Variants in PSMD9 observed in about 807,000 individuals in gnomAD.
The protein encoded by PSMD9 is 26S proteasome non-ATPase regulatory subunit 9.
Under a neutral mutation model 25.9 loss-of-function variants are expected in PSMD9, and 26 were observed. The observed-to-expected ratio is 1.00, with a 90% CI of 0.73 to 1.39. The LOEUF is 1.39. PSMD9 is among the 40% of genes most tolerant of loss of function. The probability of loss-of-function intolerance (pLI) is 0.00; values close to 1 mark genes in which losing one functional copy is unlikely to be tolerated. For synonymous variants in PSMD9, 110 were observed against 114.5 expected (o/e 0.96, Z 0.25); for missense variants, 303 against 299.3 (o/e 1.01, Z -0.09).
At chr12:121,910,798 C>G (rs1261138294) in intron 4 of PSMD9, 2 of 322,444 alleles carry the variant, frequency 6.2e-6, no homozygotes. Context: ...ATTAAAAAAT[C>G]TACACTTTAG....
At chr12:121,901,247 A>G (rs965819731) in intron 3 of PSMD9, among the ~76,000 whole-genome samples, 2 of 152,092 alleles carry the variant, frequency 1.3e-5, no homozygotes, top group African/African-American at 2.4e-5. Context: ...GTATTTGTCT[A>G]TTCTGGATAT....
chr12:121,894,949 G>T, intron 2 of PSMD9, 108 bp downstream of exon 2: 1 of 961,850 alleles, frequency 1.0e-6, no homozygotes, highest in East Asian at 2.6e-5. Context: ...CTTCTGCCTT[G>T]ATGGGATTGT....
chr12:121,903,070 T>C lies in PSMD9; in HGVS notation c.518T>C (p.Leu173Pro). 1.9e-6 allele frequency: 3 copies of C among 1,614,130 alleles called. No homozygotes were observed. The highest frequency in any genetic ancestry group is 2.5e-6 in the Non-Finnish European group (3 of 1,179,998). Reference sequence around the variant, plus strand: ...GTGAACACCCAGAACTTCCAGTCACTGCATAACATTGGCAGTGTGGTGCAG... The same window carrying C: ...GTGAACACCCAGAACTTCCAGTCACCGCATAACATTGGCAGTGTGGTGCAG... ...GSVNTQNFQSLHNIGSVVQHS... is the reference protein window; with the variant it reads ...GSVNTQNFQSPHNIGSVVQHS... The change falls in exon 4 of 6, where the codon CTG (leucine) becomes CCG (proline). Residue 173 changes from leucine (L) to proline (P), a missense_variant. Physicochemically the swap from Leu to Pro is moderately conservative, Grantham distance 98 (BLOSUM62 -3). Coordinates refer to ENST00000541212, the MANE Select transcript of PSMD9 (RefSeq NM_002813.7).
chr12:121,913,091 C>T (rs1394746368), intron 4 of PSMD9, among the ~76,000 whole-genome samples: 1 of 151,902 alleles, frequency 6.6e-6, no homozygotes, highest in Admixed American at 6.6e-5. Flanking sequence ...CGTCCACCAC[C>T]AAGCCTGGCT....
At chr12:121,901,663 C>CTTTTTTTTTTTT (rs1376133221) in intron 3 of PSMD9, among the ~76,000 whole-genome samples, 2 of 113,830 alleles carry the variant, frequency 1.8e-5, no homozygotes, top group African/African-American at 4.3e-5. Context: ...CCCTTCATTC[C>CTTTTTTTTTTTT]TTCTTTTTTT....
At chr12:121,895,061 T>C (rs544004805) in intron 2 of PSMD9, among the ~76,000 whole-genome samples, 1 of 152,220 alleles carries the variant, frequency 6.6e-6, no homozygotes, top group South Asian at 2.1e-4. Flanking sequence ...TCTTTTTTTT[T>C]TGAGTCAGGG....
chr12:121,904,341 G>A (rs1400774576), intron 4 of PSMD9, among the ~76,000 whole-genome samples: 3 of 150,858 alleles, frequency 2.0e-5, no homozygotes, highest in East Asian at 3.9e-4. Flanking sequence ...TTAGGAGGGC[G>A]AGGTGGGTGG....
chr12:121,905,065 C>A (rs1879514368), intron 4 of PSMD9, among the ~76,000 whole-genome samples: 1 of 151,888 alleles, frequency 6.6e-6, no homozygotes, highest in Non-Finnish European at 1.5e-5. Flanking sequence ...CACTTCTCCT[C>A]CTGAGGCAGC....
chr12:121,906,064 A>G (rs533901886), intron 4 of PSMD9, among the ~76,000 whole-genome samples: 1 of 149,838 alleles, frequency 6.7e-6, no homozygotes, highest in East Asian at 1.9e-4. Flanking sequence ...TGGATCTGTG[A>G]GAAGAGCTGC....
At chr12:121,909,914 A>T (rs996788788) in intron 4 of PSMD9, among the ~76,000 whole-genome samples, 1 of 152,052 alleles carries the variant, frequency 6.6e-6, no homozygotes, top group East Asian at 1.9e-4. Flanking sequence ...AGTTAAAGGC[A>T]GTGCACATTT....
At chr12:121,889,115 G>T in intron 1 of PSMD9, 121 bp downstream of exon 1, 1 of 1,306,094 alleles carries the variant, frequency 7.7e-7, no homozygotes, top group South Asian at 1.5e-5. Flanking sequence ...GAGGCCCAAG[G>T]CGCCGCAAGT....
intron 4 of PSMD9, among the ~76,000 whole-genome samples, chr12:121,912,061 T>TTTA (rs1565895710): frequency 1.4e-4 from 18 of 130,512 alleles, no homozygotes; most frequent in African/African-American, 5.0e-4. Flanking sequence ...TTATTTATTT[T>TTTA]GAGACAGGTT....
At chr12:121,913,956 G>A (rs1879817188) in intron 4 of PSMD9, among the ~76,000 whole-genome samples, 1 of 151,942 alleles carries the variant, frequency 6.6e-6, no homozygotes, top group South Asian at 2.1e-4. Context: ...CTGGAGTGCA[G>A]TGGTGCAGTC....
At chr12:121,910,148 T>C (rs1879678312) in intron 4 of PSMD9, among the ~76,000 whole-genome samples, 1 of 131,162 alleles carries the variant, frequency 7.6e-6, no homozygotes, top group Admixed American at 9.4e-5. Context: ...TGCAGCGGCA[T>C]GATCTCAGCT....
intron 2 of PSMD9, among the ~76,000 whole-genome samples, chr12:121,895,387 C>G (rs148674880): frequency 6.6e-6 from 1 of 151,778 alleles, no homozygotes; most frequent in East Asian, 1.9e-4. Context: ...TAACAAATGA[C>G]GTGATTTGTT....
chr12:121,905,259 G>T (rs1402705053), intron 4 of PSMD9, among the ~76,000 whole-genome samples: 1 of 145,330 alleles, frequency 6.9e-6, no homozygotes, highest in Non-Finnish European at 1.5e-5. Context: ...TTGCTCTGTC[G>T]CCCAGGCTGG....
chr12:121,910,746 G>A (rs1207904521), intron 4 of PSMD9, among the ~76,000 whole-genome samples: 1 of 150,892 alleles, frequency 6.6e-6, no homozygotes, highest in African/African-American at 2.4e-5. Flanking sequence ...GGTGACAAGA[G>A]TGAAACTTTG....
intron 4 of PSMD9, among the ~76,000 whole-genome samples, chr12:121,906,026 G>GGAAT (rs1879544792): frequency 2.0e-5 from 3 of 150,322 alleles, no homozygotes; most frequent in Non-Finnish European, 2.9e-5. Flanking sequence ...ACTCAGCCCA[G>GGAAT]TGGATTCTGA....
chr12:121,904,153 A>T (rs1269952740), intron 4 of PSMD9, among the ~76,000 whole-genome samples: 1 of 151,928 alleles, frequency 6.6e-6, no homozygotes, highest in Admixed American at 6.6e-5. Context: ...TTCTGCACTG[A>T]TACTGTCATC....
Sources: allele counts gnomAD v4.1 joint callset (sites outside exome capture counted in the v4.1 genomes callset), GRCh38; gene constraint gnomAD v4.1.1; transcripts MANE v1.5; gene names NCBI Gene and HGNC (gene_info 2026-07-23, HGNC 2026-07-21).